The following DCHS1 variants were observed in gnomAD, a reference collection of about 807,000 sequenced individuals.
The protein encoded by DCHS1 is dachsous cadherin-related 1, also known as protocadherin-16.
In DCHS1, 78 loss-of-function variants were observed where a neutral mutation model predicts 213.9. The ratio of observed to expected loss-of-function variants is 0.36; its 90% CI spans 0.30 to 0.44. DCHS1 has a LOEUF of 0.44. DCHS1 is among the 20% of genes least tolerant of loss of function. DCHS1 has a pLI of 1.00. For missense variants in DCHS1, 3,946 were observed against 4,395.9 expected, an observed-to-expected ratio of 0.90 and a Z score of 2.89; for synonymous variants, 1,828 against 1,873.7, an observed-to-expected ratio of 0.98 and a Z score of 0.63.
intron 1 of DCHS1, among the ~76,000 whole-genome samples, chr11:6,644,823 C>A (rs2555172): frequency 0.63 from 95,655 of 152,160 alleles, 30,224 homozygotes; most frequent in East Asian, 0.78. Flanking sequence ...ACCCTGAGGC[C>A]CCTCGGTCAG....
Position 6,627,212 on chromosome 11 carries a change from T to C in DCHS1, c.5827A>G (p.Thr1943Ala). 6.2e-7 allele frequency: 1 copy of C among 1,613,208 alleles called. No individual in the cohort carries two copies. The highest frequency in any genetic ancestry group is 1.3e-5 in the African/African-American group (1 of 75,016). ...DGAAAGPLST[T>A]VSVTITVRDV... The stretch of plus-strand genomic sequence containing the variant: ...CGCACCGTGATGGTGACAGACACTG[T>C]GGTGCTTAGGGGCCCAGCAGCTGCA... The change falls in exon 14 of 21, where the codon ACA (threonine) becomes GCA (alanine). Residue 1943 changes from threonine (T) to alanine (A), a missense_variant. By Grantham distance (58) the Thr-to-Ala change is moderately conservative. Transcript: ENST00000299441. The surrounding 1 kb of genome is among the most constrained non-coding windows in gnomAD (Gnocchi z 5.4).
chr11:6,622,526 G>C lies in DCHS1; in HGVS notation c.9150C>G (p.Phe3050Leu), dbSNP rs1205631536. 3.2e-6 allele frequency: 5 copies of C among 1,579,290 alleles called. No individual in the cohort carries two copies. The highest frequency in any genetic ancestry group is 1.8e-5 in the Admixed American group (1 of 54,684). The stretch of plus-strand genomic sequence containing the variant: ...AGGAGGCCACACTGGCCACACGGGG[G>C]AACTCATTGATCATGCGGATCTCAT... Reference protein sequence around the residue: ...EDDEIRMINEFPRVASVASSL... With the variant: ...EDDEIRMINELPRVASVASSL... The change falls in exon 21 of 21, where the codon TTC (phenylalanine) becomes TTG (leucine). Residue 3050 changes from phenylalanine (F) to leucine (L), a missense_variant. Transcript: ENST00000299441. This position sits in a 1 kb window ranked among gnomAD's most constrained non-coding sequence, Gnocchi z 5.4.
rs1855697977 is a variant in DCHS1, at chr11:6,621,912, G to A, written c.9764C>T (p.Ser3255Leu). Reference sequence around the variant, plus strand: ...AGCAGCCAGAGGAGACAGAGAGGGTGAGAAGCTGGGGGACATGGCAGCTGA... The same window carrying A: ...AGCAGCCAGAGGAGACAGAGAGGGTAAGAAGCTGGGGGACATGGCAGCTGA... ...LSSAAMSPSF[S>L]PSLSPLAARS... Residue 3255 changes from serine (S) to leucine (L), a missense_variant, in exon 21 of 21, where the codon TCA becomes TTA. Around this residue, in one of 3 missense-constraint regions of DCHS1, gnomAD observed 554 missense variants for 590.2 expected, o/e 0.94. Coordinates refer to ENST00000299441, the MANE Select transcript of DCHS1 (RefSeq NM_003737.4). The A allele has an allele frequency of 6.2e-7, 1 of 1,613,156 alleles. No individual in the cohort carries two copies.
chr11:6,630,016 C>T lies in DCHS1; in HGVS notation c.4778G>A (p.Arg1593Gln), dbSNP rs2134624776. The T allele has an allele frequency of 6.4e-6, 10 of 1,561,038 alleles. No individual in the cohort carries two copies. Among genetic ancestry groups the T allele is most frequent in the Non-Finnish European group, 8.7e-6 (10 of 1,149,542 alleles). ...RLASGGDGHF[R>Q]LHSSTGALSV... ...ACTCTCACCAGTGCTTGAGTGCAGC[C>T]GGAAGTGGCCGTCCCCGCCAGATGC... is the stretch of plus-strand genomic sequence containing the variant. The change falls in exon 10 of 21, where the codon CGG becomes CAG. Residue 1593 changes from arginine to glutamine, a missense_variant. Arg to Gln is a conservative substitution (Grantham distance 43). Around this residue, in one of 3 missense-constraint regions of DCHS1, gnomAD observed 3,384 missense variants for 3,780.1 expected, o/e 0.90. Transcript: ENST00000299441.
rs1855952020 is a variant in DCHS1 at position 6,633,981 on chromosome 11, A to T, written c.2026T>A (p.Ser676Thr). Reference protein sequence around the residue: ...KSMVYVKVFLSDENDNPPQFY... With the variant: ...KSMVYVKVFLTDENDNPPQFY... Reference sequence around the variant, plus strand: ...TGAGGAGGGTTGTCATTCTCGTCTGACAGAAACACCTTCACATATACCATG... The same window carrying T: ...TGAGGAGGGTTGTCATTCTCGTCTGTCAGAAACACCTTCACATATACCATG... The change falls in exon 4 of 21, where the codon TCA becomes ACA. Residue 676 changes from serine to threonine, a missense_variant. Around this residue, in one of 3 missense-constraint regions of DCHS1, gnomAD observed 3,384 missense variants for 3,780.1 expected, o/e 0.90. Coordinates refer to ENST00000299441, the MANE Select transcript of DCHS1 (RefSeq NM_003737.4). 2.5e-6 allele frequency: 4 copies of T among 1,613,886 alleles called. No individual in the cohort carries two copies. The highest frequency in any genetic ancestry group is 3.4e-6 in the Non-Finnish European group (4 of 1,179,894).
intron 2 of DCHS1, among the ~76,000 whole-genome samples, chr11:6,639,509 C>T (rs889348624): frequency 3.3e-5 from 5 of 152,186 alleles, no homozygotes; most frequent in African/African-American, 1.2e-4. Context: ...TGTAGAATCT[C>T]CATCTCTGCC....
At chr11:6,624,500 T>C (rs1855761759) in intron 20 of DCHS1, 110 bp from the exon 21 acceptor site, 2 of 1,345,030 alleles carry the variant, frequency 1.5e-6, no homozygotes, top group South Asian at 2.9e-5. Context: ...ACTCAGGGAA[T>C]GGCCTATCTG....
Position 6,630,773 on chromosome 11 carries a change from C to A in DCHS1, c.4021G>T (p.Ala1341Ser). ...APVPVVLTVT[A>S]AEGLRPGSLL... ...GAGCCGGGCCGCAGTCCCTCAGCTG[C>A]TGTCACCGTCAGCACGACAGGCACT... is the stretch of plus-strand genomic sequence containing the variant. Residue 1341 changes from alanine to serine, a missense_variant, in exon 10 of 21, where the codon GCA becomes TCA. Transcript: ENST00000299441. 6.5e-7 allele frequency: 1 copy of A among 1,547,318 alleles called. No individual in the cohort carries two copies.
At position 6,627,437 on chromosome 11, in the gene DCHS1, C is replaced by T. The variant is rs1262909353; in HGVS notation, c.5602G>A (p.Val1868Met). Reference protein sequence around the residue: ...PAYSVEVPEDVPAGTLLLQLQ... With the variant: ...PAYSVEVPEDMPAGTLLLQLQ... ...TGCAGCAGCAGGGTCCCTGCAGGCA[C>T]ATCCTCCGGCACCTCCACCGAGTAG... Residue 1868 changes from valine (V) to methionine (M), a missense_variant, in exon 14 of 21, where the codon GTG (valine) becomes ATG (methionine). Coordinates refer to ENST00000299441, the MANE Select transcript of DCHS1 (RefSeq NM_003737.4). This position sits in a 1 kb window ranked among gnomAD's most constrained non-coding sequence, Gnocchi z 5.4. 1 of 1,610,684 alleles carries T rather than the reference C, an allele frequency of 6.2e-7. No homozygotes were observed.
chr11:6,655,579 C>G lies in DCHS1; in HGVS notation c.-137G>C, dbSNP rs1305590746. The stretch of plus-strand genomic sequence containing the variant: ...GGCACTGACCTCCGCGCGACGCGGG[C>G]TCCCTCGCCCGGTGCTGGGGCGCCG... On this transcript the variant is annotated 5_prime_UTR_variant, in exon 1 of 21. Coordinates refer to ENST00000299441, the MANE Select transcript of DCHS1 (RefSeq NM_003737.4). 161 of 980,472 alleles carry G rather than the reference C, an allele frequency of 1.6e-4. No homozygotes were observed. The highest frequency in any genetic ancestry group is 7.6e-5 in the Non-Finnish European group (63 of 828,030). The allele number at this position is 980,472 out of a possible 1,614,324, so 60.7% of individuals were successfully genotyped here. A position where few individuals can be genotyped will look rare whatever the true frequency, so the allele number is the denominator to read the frequency against.
rs2134614436 is a variant in DCHS1, at chr11:6,624,841, C to G, written c.7174G>C (p.Gly2392Arg). 3 of 1,613,902 alleles carry G rather than the reference C, an allele frequency of 1.9e-6. No homozygotes were observed. Among genetic ancestry groups the G allele is most frequent in the Non-Finnish European group, 2.5e-6 (3 of 1,179,852 alleles). ...GCAGAGACGGAGAGAATGGCACTGC[C>G]TGGGGGTGTGTGCTCAAGCAGCATT... ...QVMLLEHTPP[G>R]SAILSVSATD... The change falls in exon 20 of 21, where the codon GGC (glycine) becomes CGC (arginine). Residue 2392 changes from glycine to arginine, a missense_variant. Transcript: ENST00000299441.
At chr11:6,638,466 C>G (rs1053912834) in intron 2 of DCHS1, among the ~76,000 whole-genome samples, 1 of 152,232 alleles carries the variant, frequency 6.6e-6, no homozygotes, top group African/African-American at 2.4e-5. Flanking sequence ...CTCATTAGTA[C>G]AGCTGATGCC....
Position 6,641,760 on chromosome 11 carries a change from C to T in DCHS1, c.-120-27G>A. On this transcript the variant is annotated intron_variant, in intron 1 of 20. Transcript: ENST00000299441. This position sits in a 1 kb window ranked among gnomAD's most constrained non-coding sequence, Gnocchi z 7.1. ...TGGGAGAAAACAGAAGGAAACGGGT[C>T]ATGACAGAGGAGGGATCAGCAGTCC... is the stretch of plus-strand genomic sequence containing the variant. 1 of 1,432,178 alleles carries T rather than the reference C, an allele frequency of 7.0e-7. No individual in the cohort carries two copies. The highest frequency in any genetic ancestry group is 9.1e-7 in the Non-Finnish European group (1 of 1,096,104). The allele number at this position is 1,432,178 out of a possible 1,614,324, so 88.7% of individuals were successfully genotyped here.
In DCHS1 at chr11:6,621,620, A is replaced by T; in HGVS notation, c.*159T>A. On this transcript the variant is annotated 3_prime_UTR_variant, in exon 21 of 21. Transcript: ENST00000299441. ...GCAACAGGGCTTCTGTGGTCCTAGTACTCTGAGGGGGCTGGGGAGTTCAGG... is the reference window on the plus strand; with the variant it reads ...GCAACAGGGCTTCTGTGGTCCTAGTTCTCTGAGGGGGCTGGGGAGTTCAGG... 1 of 820,272 alleles carries T rather than the reference A, an allele frequency of 1.2e-6. No individual in the cohort carries two copies. The highest frequency in any genetic ancestry group is 2.0e-6 in the Non-Finnish European group (1 of 493,978). The allele number at this position is 820,272 out of a possible 1,614,324, so 50.8% of individuals were successfully genotyped here. A position where few individuals can be genotyped will look rare whatever the true frequency, so the allele number is the denominator to read the frequency against.
intron 2 of DCHS1, among the ~76,000 whole-genome samples, chr11:6,637,181 G>A (rs1855997745): frequency 6.6e-6 from 1 of 152,114 alleles, no homozygotes; most frequent in Non-Finnish European, 1.5e-5. Flanking sequence ...TTCTCATAGA[G>A]GTCTGACCCT....
chr11:6,647,166 G>A (rs1042050714), intron 1 of DCHS1, among the ~76,000 whole-genome samples: 9 of 152,278 alleles, frequency 5.9e-5, no homozygotes, highest in Admixed American at 2.6e-4. Context: ...GAGGATACAG[G>A]GCCAGGCATA....
intron 1 of DCHS1, among the ~76,000 whole-genome samples, chr11:6,643,874 T>A (rs540465366): frequency 1.3e-5 from 2 of 152,300 alleles, no homozygotes; most frequent in Admixed American, 1.3e-4. Context: ...AGGGCCACCA[T>A]CCATCCAGGT....
In DCHS1 at chr11:6,621,785, G is replaced by T; in HGVS notation, c.9891C>A (p.His3297Gln). 6.3e-7 allele frequency: 1 copy of T among 1,583,738 alleles called. No homozygotes were observed. The highest frequency in any genetic ancestry group is 2.3e-5 in the East Asian group (1 of 43,238). Residue 3297 changes from histidine (H) to glutamine (Q), a missense_variant, in exon 21 of 21, where the codon CAC becomes CAA. His to Gln is a conservative substitution (Grantham distance 24). Around this residue, in one of 3 missense-constraint regions of DCHS1, gnomAD observed 554 missense variants for 590.2 expected, o/e 0.94. Coordinates refer to ENST00000299441, the MANE Select transcript of DCHS1 (RefSeq NM_003737.4). ...GGCCCAGCCTGGGCCACAGCTAGAT[G>T]TGCAGCTCCGTGTCATCAGGTGGCT... ...GLEPPDDTEL[H>Q]I
In DCHS1 at chr11:6,632,550, C is replaced by T. The variant is rs754449737; in HGVS notation, c.2962G>A (p.Val988Ile). Residue 988 changes from valine (V) to isoleucine (I), a missense_variant, in exon 6 of 21, where the codon GTA becomes ATA. By Grantham distance (29) the Val-to-Ile change is conservative. Coordinates refer to ENST00000299441, the MANE Select transcript of DCHS1 (RefSeq NM_003737.4). The surrounding 1 kb of genome is among the most constrained non-coding windows in gnomAD (Gnocchi z 5.9). Reference protein sequence around the residue: ...RTSHFRLRVVVQDVGTRGLAP... With the variant: ...RTSHFRLRVVIQDVGTRGLAP... Reference sequence around the variant, plus strand: ...AGCCCACGGGTTCCCACATCCTGTACCACCACCCGTAGTCGAAAGTGGCTG... The same window carrying T: ...AGCCCACGGGTTCCCACATCCTGTATCACCACCCGTAGTCGAAAGTGGCTG... 11 of 1,526,392 alleles carry T rather than the reference C, an allele frequency of 7.2e-6. No homozygotes were observed. The highest frequency in any genetic ancestry group is 9.7e-6 in the Non-Finnish European group (11 of 1,134,062). The allele number at this position is 1,526,392 out of a possible 1,614,324, so 94.6% of individuals were successfully genotyped here.
Sources: gnomAD v4.1 joint callset for allele counts (sites outside exome capture counted in the v4.1 genomes callset) on GRCh38, gnomAD v4.1.1 for gene constraint, gnomAD v4.1.1 regional missense constraint, Gnocchi (gnomAD v3.1) non-coding constraint, MANE v1.5 for transcripts, NCBI Gene and HGNC (gene_info 2026-07-23, HGNC 2026-07-21) for gene names.